The following KCNAB1 variants were observed in gnomAD, a reference collection of about 807,000 sequenced individuals.
KCNAB1 encodes the protein potassium voltage-gated channel subfamily A regulatory beta subunit 1.
In KCNAB1, 35 loss-of-function variants were observed where a neutral mutation model predicts 64.6. That is an observed-to-expected ratio of 0.54 (90% CI 0.41 to 0.72). The LOEUF (loss-of-function observed/expected upper bound fraction) is 0.72, where lower values mean the gene tolerates loss of function less well. KCNAB1 is among the 30% of genes least tolerant of loss of function. The probability of loss-of-function intolerance (pLI) is 0.00; values close to 1 mark genes in which losing one functional copy is unlikely to be tolerated. For synonymous variants in KCNAB1, 177 were observed against 183.8 expected (o/e 0.96, Z 0.30); for missense variants, 401 against 512.9 (o/e 0.78, Z 2.11).
chr3:156,153,308 G>A (rs75423966), intron 1 of KCNAB1, among the ~76,000 whole-genome samples: 2,287 of 152,234 alleles, frequency 0.015, 60 homozygotes, highest in African/African-American at 0.053. Flanking sequence ...TAGGAAATAG[G>A]TCCTTAAATC....
intron 1 of KCNAB1, among the ~76,000 whole-genome samples, chr3:156,358,183 A>G (rs1200252611): frequency 6.6e-6 from 1 of 152,166 alleles, no homozygotes; most frequent in East Asian, 1.9e-4. Flanking sequence ...CATAGATCTC[A>G]CTGGAGATGG....
At chr3:156,494,156 AG>A (rs1414345089) in intron 8 of KCNAB1, among the ~76,000 whole-genome samples, 2 of 152,090 alleles carry the variant, frequency 1.3e-5, no homozygotes, top group African/African-American at 4.8e-5. Flanking sequence ...CAACGTTTGC[AG>A]GGGAAGGGGG....
intron 1 of KCNAB1, among the ~76,000 whole-genome samples, chr3:156,334,985 C>T (rs2108052419): frequency 6.6e-6 from 1 of 152,306 alleles, no homozygotes; most frequent in East Asian, 1.9e-4. Flanking sequence ...CCCTTCTTTC[C>T]CAAATGCATG....
intron 8 of KCNAB1, among the ~76,000 whole-genome samples, chr3:156,479,024 T>C (rs931354527): frequency 3.9e-5 from 6 of 152,148 alleles, no homozygotes; most frequent in African/African-American, 1.4e-4. Flanking sequence ...GGAGGGGAGC[T>C]TGTGTACTTT....
intron 1 of KCNAB1, among the ~76,000 whole-genome samples, chr3:156,186,086 A>G (rs998186704): frequency 6.6e-6 from 1 of 152,214 alleles, no homozygotes; most frequent in Non-Finnish European, 1.5e-5. Context: ...CACTTTGCCA[A>G]TCAATTGGCC....
rs567905275 is a variant in KCNAB1, at chr3:156,367,056, T to C, written c.276-54560T>C. ...GTACCTGGGCAGGTTGATTAGATCC[T>C]TGAATTTGAATAGAAAATTTCAGAG... On this transcript the variant is annotated intron_variant, in intron 1 of 13. Coordinates refer to ENST00000490337, the MANE Select transcript of KCNAB1 (RefSeq NM_172160.3). Among the ~76,000 whole-genome samples, 26 of 152,274 alleles carry C rather than the reference T, an allele frequency of 1.7e-4. 1 individual carries two copies. In the South Asian group the frequency reaches 5.4e-3, roughly 32 times the overall value.
At chr3:156,361,101 C>G (rs910826181) in intron 1 of KCNAB1, among the ~76,000 whole-genome samples, 2 of 152,170 alleles carry the variant, frequency 1.3e-5, no homozygotes, top group African/African-American at 4.8e-5. Context: ...CCTAACATAG[C>G]CCTACATGCT....
At chr3:156,272,037 C>T (rs984210482) in intron 1 of KCNAB1, among the ~76,000 whole-genome samples, 1 of 152,222 alleles carries the variant, frequency 6.6e-6, no homozygotes, top group Non-Finnish European at 1.5e-5. Context: ...TGTTCTCTTT[C>T]CTTACTTTCT....
rs887361777 is a variant in KCNAB1, at chr3:156,452,944, A to G, written c.357+8A>G. ...GGTCAAATTTCAGATGAGGTAAGTT[A>G]CCTTTGGCCTCTATTATGCTAATGA... On this transcript the variant is annotated splice_region_variant and intron_variant, in intron 3 of 13. Coordinates refer to ENST00000490337, the MANE Select transcript of KCNAB1 (RefSeq NM_172160.3). This position sits in a 1 kb window ranked among gnomAD's most constrained non-coding sequence, Gnocchi z 4.6. The G allele has an allele frequency of 2.5e-6, 4 of 1,598,878 alleles. No homozygotes were observed. Among genetic ancestry groups the G allele is most frequent in the Non-Finnish European group, 3.4e-6 (4 of 1,168,634 alleles).
intron 1 of KCNAB1, among the ~76,000 whole-genome samples, chr3:156,265,449 TG>T (rs1718641212): frequency 6.6e-6 from 1 of 152,182 alleles, no homozygotes; most frequent in African/African-American, 2.4e-5. Context: ...CCTGATTCAG[TG>T]GGCCATTCCA....
intron 1 of KCNAB1, among the ~76,000 whole-genome samples, chr3:156,341,890 A>G (rs1005556377): frequency 2.0e-5 from 3 of 152,132 alleles, no homozygotes; most frequent in African/African-American, 7.2e-5. Flanking sequence ...CTATTTTAAT[A>G]TACTGGATGT....
intron 1 of KCNAB1, among the ~76,000 whole-genome samples, chr3:156,380,124 G>A (rs933941271): frequency 2.6e-5 from 4 of 152,222 alleles, no homozygotes; most frequent in African/African-American, 9.6e-5. Context: ...TTGGCTTTCT[G>A]CTCTCTGACC....
chr3:156,325,437 G>A (rs866433893), intron 1 of KCNAB1, among the ~76,000 whole-genome samples: 109 of 152,182 alleles, frequency 7.2e-4, no homozygotes, highest in African/African-American at 2.6e-3. Flanking sequence ...AATGTGATTC[G>A]TAGACCTAGG....
rs377629237 is a variant in KCNAB1 at position 156,171,093 on chromosome 3, G to A, written c.275+50207G>A. On this transcript the variant is annotated intron_variant, in intron 1 of 13. Coordinates refer to ENST00000490337, the MANE Select transcript of KCNAB1 (RefSeq NM_172160.3). ...ATTATGTATGTCTACCTTTGTTTGAGCTACACAAGGATAAGAATTTATAGT... is the reference window on the plus strand; with the variant it reads ...ATTATGTATGTCTACCTTTGTTTGAACTACACAAGGATAAGAATTTATAGT... Among the ~76,000 whole-genome samples the A allele has an allele frequency of 1.5e-4, 23 of 151,900 alleles. No homozygotes were observed. In the East Asian group the frequency reaches 2.9e-3, roughly 19 times the overall value.
At chr3:156,324,976 G>C (rs564508508) in intron 1 of KCNAB1, among the ~76,000 whole-genome samples, 3 of 152,174 alleles carry the variant, frequency 2.0e-5, no homozygotes, top group East Asian at 3.9e-4. Flanking sequence ...CCTTATGAGG[G>C]TACAATTCCT....
chr3:156,158,188 A>C (rs1715862674), intron 1 of KCNAB1, among the ~76,000 whole-genome samples: 1 of 108,736 alleles, frequency 9.2e-6, no homozygotes, highest in African/African-American at 3.5e-5. Context: ...AAAAATAAAT[A>C]AATAAATAAA....
chr3:156,373,183 C>G (rs1726428742), intron 1 of KCNAB1, among the ~76,000 whole-genome samples: 1 of 152,236 alleles, frequency 6.6e-6, no homozygotes, highest in Admixed American at 6.5e-5. Flanking sequence ...AGCTGAGCAG[C>G]TGAAACTGTC....
chr3:156,179,585 A>C (rs1712666713), intron 1 of KCNAB1, among the ~76,000 whole-genome samples: 1 of 152,052 alleles, frequency 6.6e-6, no homozygotes, highest in Non-Finnish European at 1.5e-5. Flanking sequence ...AACTAGCTTC[A>C]CTAACAGCTT....
chr3:156,358,609 A>G (rs1725409143), intron 1 of KCNAB1, among the ~76,000 whole-genome samples: 1 of 152,190 alleles, frequency 6.6e-6, no homozygotes, highest in Admixed American at 6.5e-5. Context: ...ATTAGAAAAC[A>G]TTGCATATGC....
Sources: gnomAD v4.1 joint callset for allele counts (sites outside exome capture counted in the v4.1 genomes callset) on GRCh38, gnomAD v4.1.1 for gene constraint, Gnocchi (gnomAD v3.1) non-coding constraint, MANE v1.5 for transcripts, NCBI Gene and HGNC (gene_info 2026-07-23, HGNC 2026-07-21) for gene names.